GAREM2: variants seen among roughly 807,000 people sequenced by gnomAD.
The protein encoded by GAREM2 is GRB2 associated regulator of MAPK1 subtype 2, also known as GRB2-associated and regulator of MAPK protein 2.
GAREM2 carries 30 observed loss-of-function variants against 55.6 expected under a neutral mutation model. That is an observed-to-expected ratio of 0.54 (90% confidence interval 0.40 to 0.73). GAREM2 has a LOEUF of 0.73. Among genes scored for constraint, GAREM2 ranks in the 30% least tolerant of loss-of-function variants. The pLI is 0.00. For missense variants in GAREM2, 1,075 were observed against 1,257.7 expected (o/e 0.85, Z 2.20); for synonymous variants, 550 against 569.1 (o/e 0.97, Z 0.48).
rs1185524883 is a variant in GAREM2 at position 26,184,933 on chromosome 2, GC to G, written c.1086del (p.Glu363ArgfsTer35). The G allele has an allele frequency of 7.6e-7, 1 of 1,321,220 alleles. No individual in the cohort carries two copies. Among genetic ancestry groups the G allele is most frequent in the South Asian group, 2.0e-5 (1 of 50,804 alleles). The allele number at this position is 1,321,220 out of a possible 1,614,324, so 81.8% of individuals were successfully genotyped here. A position where few individuals can be genotyped will look rare whatever the true frequency, so the allele number is the denominator to read the frequency against. On this transcript the variant is annotated frameshift_variant, in exon 4 of 6. Coordinates refer to ENST00000401533, the MANE Select transcript of GAREM2 (RefSeq NM_001168241.2). LOFTEE classifies it high-confidence loss of function. The stretch of plus-strand genomic sequence containing the variant: ...CCCGACGAGTACTCCACGGCCGTGC[GC>G]GAGGCGCCAGCGGAGCTCGCCGAAG... Reference protein sequence around the residue: ...FDPDEYSTAVREAPAELAEDC... With the variant: ...FDPDEYSTAVXEAPAELAEDC...
At chr2:26,196,708 G>A in the GAREM2 span, among the ~76,000 whole-genome samples, 1 of 152,202 alleles carries the variant, frequency 6.6e-6, no homozygotes, top group East Asian at 1.9e-4. Flanking sequence ...TAGATACTTG[G>A]AGGGCAGAAC....
chr2:26,176,762 C>T (rs1451887792), intron 2 of GAREM2, among the ~76,000 whole-genome samples: 2 of 152,132 alleles, frequency 1.3e-5, no homozygotes, highest in African/African-American at 4.8e-5. Context: ...GAGCTTAACC[C>T]TAATCAGAGG....
the GAREM2 span, among the ~76,000 whole-genome samples, chr2:26,200,648 TCTTC>T: frequency 6.6e-6 from 1 of 152,256 alleles, no homozygotes; most frequent in African/African-American, 2.4e-5. Context: ...ACCCTCATTT[TCTTC>T]CTTTAGAATT....
In GAREM2 at chr2:26,184,849, A is replaced by AC; in HGVS notation, c.1004dup (p.Arg336AlafsTer232). On this transcript the variant is annotated frameshift_variant, in exon 4 of 6. Transcript: ENST00000401533. LOFTEE classifies it high-confidence loss of function. Reference sequence around the variant, plus strand: ...CTGCCGCAGGGCCTGCTGGCCGGGGACCCGCGCGTCGAGCGCCTGGTGCGC... The same window carrying AC: ...CTGCCGCAGGGCCTGCTGGCCGGGGACCCCGCGCGTCGAGCGCCTGGTGCGC... The AC allele has an allele frequency of 6.8e-7, 1 of 1,471,484 alleles. No individual in the cohort carries two copies. Among genetic ancestry groups the AC allele is most frequent in the South Asian group, 1.3e-5 (1 of 77,078 alleles). 91.2% of individuals were successfully genotyped at this position (1,471,484 alleles called of 1,614,324 possible).
At chr2:26,186,402 A>G (rs2147739651) in intron 5 of GAREM2, 44 bp downstream of exon 5, 2 of 1,523,152 alleles carry the variant, frequency 1.3e-6, no homozygotes, top group South Asian at 1.2e-5. Context: ...AAGGTAGATC[A>G]AGGCAGGGAA....
intron 1 of GAREM2, among the ~76,000 whole-genome samples, chr2:26,175,840 C>T (rs929713952): frequency 6.6e-6 from 1 of 152,206 alleles, no homozygotes; most frequent in African/African-American, 2.4e-5. Context: ...AGGGCCTAGG[C>T]CCTGACTGGG....
the GAREM2 span, among the ~76,000 whole-genome samples, chr2:26,199,815 T>G: frequency 1.2e-4 from 18 of 152,240 alleles, no homozygotes; most frequent in African/African-American, 4.1e-4. Flanking sequence ...TACAAAGAAG[T>G]TGTGGTGAGA....
downstream of GAREM2, chr2:26,194,445 C>T (rs2147752913): frequency 2.7e-6 from 2 of 741,556 alleles, no homozygotes; most frequent in East Asian, 2.5e-5. Flanking sequence ...GCACCAGGGA[C>T]CTTCCTAGAC....
At chr2:26,192,398 T>TA (rs1558314045), downstream of GAREM2, 1 of 1,601,936 alleles carries the variant, frequency 6.2e-7, no homozygotes, top group Non-Finnish European at 8.6e-7. Context: ...TCCTGATAGA[T>TA]GTAAAAGCCC....
At position 26,187,237 on chromosome 2, in the gene GAREM2, T is replaced by G. The variant is rs1237221941; in HGVS notation, c.1605T>G (p.Gly535=). The change falls in exon 6 of 6, where the codon GGT becomes GGG. Residue 535 remains glycine, a synonymous_variant. Coordinates refer to ENST00000401533, the MANE Select transcript of GAREM2 (RefSeq NM_001168241.2). ...TGTCTGTCTCTGTCCACAGGGCGGG[T>G]TCCCGCAGTGGCAGTGGCTCCCCAT... ...YYSSGLQDGA[G]SRSGSGSPSP... The G allele has an allele frequency of 9.0e-6, 13 of 1,449,354 alleles. No individual in the cohort carries two copies. The highest frequency in any genetic ancestry group is 9.1e-6 in the Non-Finnish European group (10 of 1,095,506). 89.8% of individuals were successfully genotyped at this position (1,449,354 alleles called of 1,614,324 possible).
intron 3 of GAREM2, among the ~76,000 whole-genome samples, chr2:26,183,616 C>T (rs1332861221): frequency 6.6e-6 from 1 of 152,122 alleles, no homozygotes; most frequent in Non-Finnish European, 1.5e-5. Context: ...GTCCTAGCTA[C>T]TTGGGAGGCT....
At chr2:26,182,656 C>T (rs1044588080) in intron 2 of GAREM2, among the ~76,000 whole-genome samples, 4 of 152,224 alleles carry the variant, frequency 2.6e-5, no homozygotes, top group African/African-American at 7.2e-5. Flanking sequence ...GCTGTGTCCA[C>T]ATGTTTGGGG....
At chr2:26,186,121 T>C in intron 4 of GAREM2, 68 bp from the exon 5 acceptor site, 1 of 1,399,520 alleles carries the variant, frequency 7.1e-7, no homozygotes, top group Non-Finnish European at 9.5e-7. Context: ...CCCAGCTGCT[T>C]GGGAAGGGGA....
At chr2:26,174,294 G>A (rs1422755467) in intron 1 of GAREM2, among the ~76,000 whole-genome samples, 3 of 152,172 alleles carry the variant, frequency 2.0e-5, no homozygotes, top group East Asian at 1.9e-4. Flanking sequence ...TCGGCGCCCC[G>A]CCGTCGGGCA....
downstream of GAREM2, among the ~76,000 whole-genome samples, chr2:26,192,671 G>A (rs1444604106): frequency 2.0e-5 from 3 of 152,006 alleles, no homozygotes; most frequent in Non-Finnish European, 4.4e-5. Flanking sequence ...GCTTGAACCC[G>A]GGAGGTGGAG....
At chr2:26,195,205 C>T in the GAREM2 span, 18 of 1,612,786 alleles carry the variant, frequency 1.1e-5, no homozygotes, top group Middle Eastern at 1.6e-4. Context: ...ATCTTGTCCA[C>T]GGGAGAGAAG....
In GAREM2 at chr2:26,179,048, G is replaced by A. The variant is rs1163834366; in HGVS notation, c.253+2564G>A. ...TGGCCGGCTGCGGACCGCGGAGAGA[G>A]CCGAGGGGAAGGCCGTGGAGGGAGG... On this transcript the variant is annotated intron_variant, in intron 2 of 5. Coordinates refer to ENST00000401533, the MANE Select transcript of GAREM2 (RefSeq NM_001168241.2). The surrounding 1 kb of genome is among the most constrained non-coding windows in gnomAD (Gnocchi z 4.7). Among the ~76,000 whole-genome samples the A allele has an allele frequency of 6.6e-6, 1 of 152,208 alleles. No homozygotes were observed. The highest frequency in any genetic ancestry group is 6.5e-5 in the Admixed American group (1 of 15,284).
chr2:26,175,776 T>A (rs1003159260), intron 1 of GAREM2, among the ~76,000 whole-genome samples: 1 of 152,156 alleles, frequency 6.6e-6, no homozygotes, highest in African/African-American at 2.4e-5. Context: ...TGGGACCTTA[T>A]AAGGGACAGT....
chr2:26,193,086 A>G (rs1669558269), downstream of GAREM2, among the ~76,000 whole-genome samples: 1 of 152,080 alleles, frequency 6.6e-6, no homozygotes, highest in African/African-American at 2.4e-5. Context: ...GTGAGCTTAT[A>G]CATTCTCCTC....
Sources: gnomAD v4.1 joint callset for allele counts (sites outside exome capture counted in the v4.1 genomes callset) on GRCh38, gnomAD v4.1.1 for gene constraint, Gnocchi (gnomAD v3.1) non-coding constraint, MANE v1.5 for transcripts, NCBI Gene and HGNC (gene_info 2026-07-23, HGNC 2026-07-21) for gene names.